ARMH3: variants seen among roughly 807,000 people sequenced by gnomAD.
The protein encoded by ARMH3 is armadillo like helical domain containing 3, also known as armadillo-like helical domain-containing protein 3.
Under a neutral mutation model 99.1 loss-of-function variants are expected in ARMH3, and 60 were observed. That is an observed-to-expected ratio of 0.61 (90% confidence interval 0.49 to 0.75). The LOEUF is 0.75. Ranked by LOEUF, ARMH3 falls within the 30% of genes least tolerant of loss-of-function variation. ARMH3 has a pLI of 0.00. For synonymous variants in ARMH3, 285 were observed against 292.8 expected (o/e 0.97, Z 0.27); for missense variants, 679 against 843.1 (o/e 0.81, Z 2.41).
intron 24 of ARMH3, among the ~76,000 whole-genome samples, chr10:101,850,666 C>T (rs2066578874): frequency 6.6e-6 from 1 of 152,154 alleles, no homozygotes; most frequent in Non-Finnish European, 1.5e-5. Context: ...CTCAGTTGAT[C>T]CACCAGACTT....
In ARMH3 at chr10:101,847,491, G is replaced by A. The variant is rs180752885; in HGVS notation, c.*37C>T. Reference sequence around the variant, plus strand: ...CCCCTCCAGCCCATGATCCTCATGGGTAAGGGCAGTCAGAGGCTGCTCAGG... The same window carrying A: ...CCCCTCCAGCCCATGATCCTCATGGATAAGGGCAGTCAGAGGCTGCTCAGG... On this transcript the variant is annotated 3_prime_UTR_variant, in exon 26 of 26. Coordinates refer to ENST00000370033, the MANE Select transcript of ARMH3 (RefSeq NM_024541.3). 1 of 1,594,056 alleles carries A rather than the reference G, an allele frequency of 6.3e-7. No individual in the cohort carries two copies. Among genetic ancestry groups the A allele is most frequent in the East Asian group, 2.2e-5 (1 of 44,756 alleles).
chr10:101,910,318 TA>T (rs1216950713), intron 23 of ARMH3, among the ~76,000 whole-genome samples: 1 of 152,198 alleles, frequency 6.6e-6, no homozygotes, highest in African/African-American at 2.4e-5. Context: ...ACTCCAAATG[TA>T]GCTTTCCAGC....
intron 1 of ARMH3, among the ~76,000 whole-genome samples, chr10:102,055,200 G>GA (rs2067811244): frequency 6.6e-6 from 1 of 151,774 alleles, no homozygotes; most frequent in South Asian, 2.1e-4. Flanking sequence ...GCAAGGCTGA[G>GA]GCAGGAGAAT....
intron 19 of ARMH3, among the ~76,000 whole-genome samples, chr10:101,985,072 T>A (rs1463936064): frequency 7.4e-6 from 1 of 134,818 alleles, no homozygotes. Flanking sequence ...CATCTAAAAA[T>A]ATATATACAC....
At chr10:101,867,669 C>CA (rs1274535828) in intron 24 of ARMH3, among the ~76,000 whole-genome samples, 1 of 151,266 alleles carries the variant, frequency 6.6e-6, no homozygotes, top group Non-Finnish European at 1.5e-5. Context: ...CCCACCTCTA[C>CA]AAAAAATAAA....
chr10:102,009,233 C>A, intron 13 of ARMH3, 141 bp downstream of exon 13: 1 of 727,520 alleles, frequency 1.4e-6, no homozygotes, highest in Non-Finnish European at 2.3e-6. Flanking sequence ...GAAACAAAGG[C>A]AACTGATTCA....
chr10:102,041,036 AAT>A lies in ARMH3; in HGVS notation c.-11-913_-11-912del, dbSNP rs558435428. 1.3e-3 allele frequency among the ~76,000 whole-genome samples: 190 copies of A among 148,088 alleles called. 2 individuals are homozygous for A. The highest frequency in any genetic ancestry group is 4.5e-3 in the African/African-American group (185 of 40,702). On this transcript the variant is annotated intron_variant, in intron 1 of 25. Transcript: ENST00000370033. ...AAAAAAATCCGATTTAAAATAACTG[AAT>A]AGAGTAATATACTACTTTCAAATTT...
At chr10:102,001,947 G>A in intron 15 of ARMH3, 24 bp downstream of exon 15, 1 of 1,605,842 alleles carries the variant, frequency 6.2e-7, no homozygotes, top group Non-Finnish European at 8.5e-7. Context: ...GACTTCCTGA[G>A]CCCCCAAAAT....
Position 102,033,163 on chromosome 10 carries a change from C to G in ARMH3, c.169G>C (p.Glu57Gln). Reference protein sequence around the residue: ...EELFLMKVNLEYLEGKLESLD... With the variant: ...EELFLMKVNLQYLEGKLESLD... ...GATTCCAGCTTGCCTTCTAGGTACT[C>G]TAAATTCACCTGCCAAGGAAACAAA... The change falls in exon 4 of 26, where the codon GAG becomes CAG. Residue 57 changes from glutamate (E) to glutamine (Q), a missense_variant. This residue lies in a region of ARMH3 where 280 missense variants were observed against 354.6 expected (regional missense o/e 0.79). Transcript: ENST00000370033. The G allele has an allele frequency of 6.2e-7, 1 of 1,614,168 alleles. No homozygotes were observed. The highest frequency in any genetic ancestry group is 1.1e-5 in the South Asian group (1 of 91,084).
At chr10:101,881,934 T>C (rs2135412833) in intron 24 of ARMH3, among the ~76,000 whole-genome samples, 1 of 152,326 alleles carries the variant, frequency 6.6e-6, no homozygotes, top group South Asian at 2.1e-4. Flanking sequence ...GTATGGCCTT[T>C]TCTGACCACT....
chr10:101,966,499 T>C (rs1372080378), intron 20 of ARMH3, among the ~76,000 whole-genome samples: 1 of 151,680 alleles, frequency 6.6e-6, no homozygotes, highest in East Asian at 1.9e-4. Flanking sequence ...AACTCCTGAC[T>C]TCAGGTGATC....
At chr10:101,861,508 G>A (rs540269923) in intron 24 of ARMH3, among the ~76,000 whole-genome samples, 10 of 152,162 alleles carry the variant, frequency 6.6e-5, no homozygotes, top group African/African-American at 1.9e-4. Context: ...TGAGGCGGAC[G>A]GATCACGAGG....
intron 24 of ARMH3, among the ~76,000 whole-genome samples, chr10:101,852,884 CTTTT>C (rs796208847): frequency 3.4e-5 from 5 of 148,178 alleles, no homozygotes; most frequent in African/African-American, 9.9e-5. Context: ...GTGGCCCTTT[CTTTT>C]TTTTTTCTTT....
At chr10:101,890,240 ATATT>A (rs1311444896) in intron 23 of ARMH3, among the ~76,000 whole-genome samples, 1 of 149,550 alleles carries the variant, frequency 6.7e-6, no homozygotes, top group South Asian at 2.1e-4. Flanking sequence ...ATATATATAT[ATATT>A]TATTTATATT....
At chr10:101,898,605 G>GA (rs2067898865) in intron 23 of ARMH3, among the ~76,000 whole-genome samples, 2 of 152,328 alleles carry the variant, frequency 1.3e-5, no homozygotes, top group African/African-American at 4.8e-5. Context: ...GCAGAACAGG[G>GA]AAAAACAAGC....
intron 23 of ARMH3, among the ~76,000 whole-genome samples, chr10:101,890,917 C>T (rs950104699): frequency 1.3e-5 from 2 of 149,084 alleles, no homozygotes; most frequent in Admixed American, 6.7e-5. Flanking sequence ...CTTTGTCATC[C>T]AGGCTGGAGT....
chr10:102,009,353 G>A, intron 13 of ARMH3, 21 bp downstream of exon 13: 9 of 1,597,296 alleles, frequency 5.6e-6, no homozygotes, highest in Non-Finnish European at 7.7e-6. Context: ...AAAAAACACT[G>A]GGATTTTTAA....
intron 18 of ARMH3, 70 bp from the exon 19 acceptor site, chr10:101,990,681 A>G (rs1846750473): frequency 7.7e-7 from 1 of 1,301,534 alleles, no homozygotes; most frequent in Admixed American, 1.7e-5. Context: ...AGTTGGAAAA[A>G]AAGCTTCTGA....
At chr10:102,033,195 G>A (rs760210003) in intron 3 of ARMH3, 23 bp from the exon 4 acceptor site, 5 of 1,613,984 alleles carry the variant, frequency 3.1e-6, no homozygotes, top group African/African-American at 1.3e-5. Context: ...CAAATAAGGG[G>A]CAGAGTGCAT....
Sources: gnomAD v4.1 joint callset for allele counts (sites outside exome capture counted in the v4.1 genomes callset) on GRCh38, gnomAD v4.1.1 for gene constraint, gnomAD v4.1.1 regional missense constraint, MANE v1.5 for transcripts, NCBI Gene and HGNC (gene_info 2026-07-23, HGNC 2026-07-21) for gene names.